Variants in MAP7 observed in about 807,000 individuals in gnomAD.
MAP7 encodes the protein ensconsin.
A neutral mutation model predicts 94.8 loss-of-function variants in MAP7; 52 were observed. The observed-to-expected ratio is 0.55, with a 90% CI of 0.44 to 0.69. The LOEUF (loss-of-function observed/expected upper bound fraction) is 0.69. Among genes scored for constraint, MAP7 ranks in the 30% least tolerant of loss-of-function variants. The pLI is 0.00. For missense variants in MAP7, 940 were observed against 964.6 expected, an observed-to-expected ratio of 0.97 and a Z score of 0.34; for synonymous variants, 350 against 357.0, an observed-to-expected ratio of 0.98 and a Z score of 0.22.
At chr6:136,390,126 C>T (rs1396293956) in intron 3 of MAP7, among the ~76,000 whole-genome samples, 4 of 152,118 alleles carry the variant, frequency 2.6e-5, no homozygotes, top group Non-Finnish European at 5.9e-5. Context: ...CCAAAATTAT[C>T]GTTCAACAAT....
chr6:136,519,045 G>A (rs979698302), intron 1 of MAP7, among the ~76,000 whole-genome samples: 1 of 152,116 alleles, frequency 6.6e-6, no homozygotes, highest in Non-Finnish European at 1.5e-5. Context: ...ACACAGTAAC[G>A]CATGTGGTAA....
intron 2 of MAP7, chr6:136,420,146 T>TC (rs1790824648): frequency 4.4e-6 from 4 of 904,182 alleles, no homozygotes; most frequent in Non-Finnish European, 7.5e-6. Context: ...GAAGAAAGTA[T>TC]TTTTGGCACC....
chr6:136,463,483 A>AT (rs879760247), intron 1 of MAP7, among the ~76,000 whole-genome samples: 2 of 151,704 alleles, frequency 1.3e-5, no homozygotes, highest in Admixed American at 1.3e-4. Context: ...TTTCTAAAGA[A>AT]TTTTTTTTTC....
chr6:136,383,479 A>T (rs1778335966), intron 6 of MAP7, among the ~76,000 whole-genome samples, 192 bp downstream of exon 6: 1 of 152,242 alleles, frequency 6.6e-6, no homozygotes, highest in African/African-American at 2.4e-5. Context: ...CCAAGTTCTA[A>T]AATGAGAAAT....
At chr6:136,530,455 A>C (rs3799464) in intron 1 of MAP7, among the ~76,000 whole-genome samples, 17,727 of 152,262 alleles carry the variant, frequency 0.12, 1,207 homozygotes, top group East Asian at 0.15. Context: ...TACTTCTAGC[A>C]GGAGTTTTAA....
At chr6:136,530,539 C>G (rs1052692784) in intron 1 of MAP7, among the ~76,000 whole-genome samples, 2 of 122,114 alleles carry the variant, frequency 1.6e-5, no homozygotes, top group African/African-American at 1.1e-4. Flanking sequence ...GACATGGAAT[C>G]AAACAACCAC....
intron 7 of MAP7, among the ~76,000 whole-genome samples, chr6:136,375,450 A>G (rs1000159177): frequency 6.6e-6 from 1 of 152,222 alleles, no homozygotes; most frequent in African/African-American, 2.4e-5. Context: ...GATGTAACCC[A>G]GTACAGGACA....
At position 136,383,702 on chromosome 6, in the gene MAP7, T is replaced by G. The variant is rs780297858; in HGVS notation, c.606A>C (p.Ser202=). ...CTGGAGAATTTAGTAAAGTTGCAGA[T>G]GAAGAGGAGAGCCGCTTGCTAATGA... ...DPVISKRLSS[S]SATLLNSPDR... The change falls in exon 6 of 18, where the codon TCA becomes TCC. Residue 202 remains serine, a synonymous_variant. Coordinates refer to ENST00000354570, the MANE Select transcript of MAP7 (RefSeq NM_003980.6). The G allele has an allele frequency of 1.2e-6, 2 of 1,609,472 alleles. No individual in the cohort carries two copies. Among genetic ancestry groups the G allele is most frequent in the Admixed American group, 3.4e-5 (2 of 59,498 alleles).
intron 3 of MAP7, among the ~76,000 whole-genome samples, chr6:136,409,782 C>T (rs1201762519): frequency 1.3e-5 from 2 of 152,244 alleles, no homozygotes; most frequent in Non-Finnish European, 2.9e-5. Context: ...CTAGACTACA[C>T]CTAGCCCTAG....
intron 10 of MAP7, among the ~76,000 whole-genome samples, chr6:136,365,268 A>T (rs1793969121): frequency 6.6e-6 from 1 of 152,130 alleles, no homozygotes; most frequent in Non-Finnish European, 1.5e-5. Flanking sequence ...ACCTGTCTTG[A>T]ATCATCTCCT....
At chr6:136,440,919 A>G (rs1018572552) in intron 1 of MAP7, among the ~76,000 whole-genome samples, 1 of 151,718 alleles carries the variant, frequency 6.6e-6, no homozygotes, top group African/African-American at 2.4e-5. Flanking sequence ...ACTGTTTTAC[A>G]CTCCACATAA....
intron 5 of MAP7, among the ~76,000 whole-genome samples, chr6:136,387,092 G>A (rs568589418): frequency 2.0e-5 from 3 of 152,326 alleles, no homozygotes; most frequent in South Asian, 2.1e-4. Flanking sequence ...GATTACAGGC[G>A]TGAGGTACTG....
chr6:136,498,750 T>C (rs1250329895), intron 1 of MAP7, among the ~76,000 whole-genome samples: 1 of 119,848 alleles, frequency 8.3e-6, no homozygotes, highest in Non-Finnish European at 1.6e-5. Flanking sequence ...TATATGGCAA[T>C]GTGTGTGTGT....
At position 136,376,754 on chromosome 6, in the gene MAP7, C is replaced by T. The variant is rs942326294; in HGVS notation, c.751+1001G>A. Among the ~76,000 whole-genome samples, 8 of 152,228 alleles carry T rather than the reference C, an allele frequency of 5.3e-5. No homozygotes were observed. In the South Asian group the frequency reaches 6.2e-4, roughly 12 times the overall value. On this transcript the variant is annotated intron_variant, in intron 7 of 17. Coordinates refer to ENST00000354570, the MANE Select transcript of MAP7 (RefSeq NM_003980.6). ...CATAAGAAGGTTGTGGGAATGCCCA[C>T]GCTTGCCTTCGTGACTGTCTCCCAG...
At chr6:136,508,205 C>T (rs1822162926) in intron 1 of MAP7, among the ~76,000 whole-genome samples, 1 of 151,838 alleles carries the variant, frequency 6.6e-6, no homozygotes. Context: ...CATGCCTGTA[C>T]TCTCAGCTAC....
chr6:136,490,874 G>A (rs1459275685), intron 1 of MAP7, among the ~76,000 whole-genome samples: 1 of 152,154 alleles, frequency 6.6e-6, no homozygotes, highest in Non-Finnish European at 1.5e-5. Context: ...GCCCTTGCCT[G>A]TAGACTCTCA....
intron 3 of MAP7, among the ~76,000 whole-genome samples, chr6:136,398,871 T>A (rs545644017): frequency 1.3e-3 from 203 of 152,272 alleles, no homozygotes; most frequent in Middle Eastern, 6.8e-3. Flanking sequence ...ATGGGTTGTG[T>A]GCAACACTCC....
intron 1 of MAP7, among the ~76,000 whole-genome samples, chr6:136,494,433 G>T (rs559796905): frequency 7.9e-5 from 12 of 152,214 alleles, no homozygotes; most frequent in African/African-American, 2.9e-4. Flanking sequence ...GTTTTCTGGG[G>T]AGAAATCTCT....
At chr6:136,523,565 A>G (rs965845822) in intron 1 of MAP7, among the ~76,000 whole-genome samples, 40 of 152,236 alleles carry the variant, frequency 2.6e-4, no homozygotes, top group South Asian at 2.1e-4. Flanking sequence ...ATTCAGTCAA[A>G]GTCAATAGTG....
Sources: allele counts gnomAD v4.1 joint callset (sites outside exome capture counted in the v4.1 genomes callset), GRCh38; gene constraint gnomAD v4.1.1; transcripts MANE v1.5; gene names NCBI Gene and HGNC (gene_info 2026-07-23, HGNC 2026-07-21).